Variants in CFAP65 observed in about 807,000 individuals in gnomAD.
CFAP65 encodes the protein cilia- and flagella-associated protein 65.
CFAP65 carries 155 observed loss-of-function variants against 208.0 expected under a neutral mutation model. The observed-to-expected ratio is 0.75, with a 90% confidence interval of 0.65 to 0.85. The LOEUF is 0.85. Ranked by LOEUF, CFAP65 falls within the 40% of genes least tolerant of loss-of-function variation. CFAP65 has a pLI of 0.00. For missense variants in CFAP65, 2,294 were observed against 2,451.3 expected (o/e 0.94, Z 1.36); for synonymous variants, 970 against 986.3 (o/e 0.98, Z 0.31).
At chr2:219,023,464 C>T in intron 15 of CFAP65, 33 bp from the exon 16 acceptor site, 1 of 1,453,108 alleles carries the variant, frequency 6.9e-7, no homozygotes, top group South Asian at 1.2e-5. Flanking sequence ...AGTGCCCTGA[C>T]CTCACTCTGC....
At chr2:219,026,432 A>G (rs534235995) in intron 13 of CFAP65, 2 of 335,822 alleles carry the variant, frequency 6.0e-6, no homozygotes, top group South Asian at 1.0e-4. Flanking sequence ...TTCATTCTGT[A>G]AGAATGAGCC....
At chr2:219,040,954 T>C (rs1948623130) in intron 1 of CFAP65, among the ~76,000 whole-genome samples, 1 of 124,646 alleles carries the variant, frequency 8.0e-6, no homozygotes, top group Non-Finnish European at 1.8e-5. Context: ...AAACAGAGGA[T>C]TTGAAAAAGC....
chr2:219,009,387 G>C lies in CFAP65; in HGVS notation c.4526C>G (p.Ser1509Cys). The change falls in exon 28 of 35, where the codon TCT (serine) becomes TGT (cysteine). Residue 1509 changes from serine to cysteine, a missense_variant. This residue lies in a region of CFAP65 where 1,427 missense variants were observed against 1,438.7 expected (regional missense o/e 0.99). Coordinates refer to ENST00000341552, the MANE Select transcript of CFAP65 (RefSeq NM_194302.4). ...TVPFVVTLRA[S>C]VHASFYSADL... ...TGCACTGTAGAAGCTGGCATGCACAGAGGCCCTCAAGGTCACCACAAATGG... is the reference window on the plus strand; with the variant it reads ...TGCACTGTAGAAGCTGGCATGCACACAGGCCCTCAAGGTCACCACAAATGG... The C allele has an allele frequency of 6.2e-7, 1 of 1,612,714 alleles. No homozygotes were observed. The highest frequency in any genetic ancestry group is 8.5e-7 in the Non-Finnish European group (1 of 1,179,942).
At chr2:219,029,929 G>A (rs1183922118) in intron 10 of CFAP65, 57 bp downstream of exon 10, 2 of 1,533,084 alleles carry the variant, frequency 1.3e-6, no homozygotes, top group Non-Finnish European at 9.0e-7. Context: ...GAGCTCTTCA[G>A]AATCCTCAGC....
Position 219,009,383 on chromosome 2 carries a change from C to A in CFAP65, c.4530G>T (p.Val1510=). 1 of 1,612,740 alleles carries A rather than the reference C, an allele frequency of 6.2e-7. No individual in the cohort carries two copies. ...GGTCTGCACTGTAGAAGCTGGCATG[C>A]ACAGAGGCCCTCAAGGTCACCACAA... is the stretch of plus-strand genomic sequence containing the variant. ...VPFVVTLRAS[V]HASFYSADLV... The change falls in exon 28 of 35, where the codon GTG becomes GTT. Residue 1510 remains valine (V), a synonymous_variant. Transcript: ENST00000341552.
intron 29 of CFAP65, among the ~76,000 whole-genome samples, chr2:219,008,087 G>A (rs1195453934): frequency 6.6e-6 from 1 of 151,810 alleles, no homozygotes; most frequent in African/African-American, 2.4e-5. Context: ...CCAAAGTGCT[G>A]GGATTACAGG....
Position 219,004,278 on chromosome 2 carries a change from G to A in CFAP65, c.5229C>T (p.Gly1743=). ...VPSSSWEDGK[G]KQPKEDRPEH... ...CTGGTCTGTCTTCCTTCGGCTGCTT[G>A]CCCTTCCCATCCTCCCAGCTGCTGG... Residue 1743 remains glycine, a synonymous_variant, in exon 33 of 35, where the codon GGC becomes GGT. Coordinates refer to ENST00000341552, the MANE Select transcript of CFAP65 (RefSeq NM_194302.4). This position sits in a 1 kb window ranked among gnomAD's most constrained non-coding sequence, Gnocchi z 4.7. 6.2e-7 allele frequency: 1 copy of A among 1,613,918 alleles called. No individual in the cohort carries two copies. The highest frequency in any genetic ancestry group is 2.2e-5 in the East Asian group (1 of 44,872).
chr2:219,005,882 C>T, intron 31 of CFAP65, 139 bp downstream of exon 31: 1 of 913,596 alleles, frequency 1.1e-6, no homozygotes, highest in East Asian at 2.6e-5. Context: ...ATCCTGGGCC[C>T]AGAGGCGCTC....
At chr2:219,022,046 G>A (rs556262284) in intron 17 of CFAP65, 116 bp from the exon 18 acceptor site, 5 of 1,530,176 alleles carry the variant, frequency 3.3e-6, no homozygotes, top group South Asian at 2.5e-5. Context: ...GGTATCCGGG[G>A]CAGAGGGCTC....
chr2:219,029,475 G>A lies in CFAP65; in HGVS notation c.1578C>T (p.Thr526=). 2.5e-6 allele frequency: 4 copies of A among 1,614,128 alleles called. No homozygotes were observed. The highest frequency in any genetic ancestry group is 2.2e-5 in the East Asian group (1 of 44,874). The change falls in exon 11 of 35, where the codon ACC becomes ACT. Residue 526 remains threonine (T), a synonymous_variant. Coordinates refer to ENST00000341552, the MANE Select transcript of CFAP65 (RefSeq NM_194302.4). ...FGTLVGKARM[T]LHCAFQPTHP... ...GAGTGGGCTGGAAGGCACAGTGCAGGGTCATACGGGCCTTGCCCACCAGCG... is the reference window on the plus strand; with the variant it reads ...GAGTGGGCTGGAAGGCACAGTGCAGAGTCATACGGGCCTTGCCCACCAGCG...
rs748112378 is a variant in CFAP65, at chr2:219,019,036, C to T, written c.3602+15G>A. 1.9e-6 allele frequency: 3 copies of T among 1,614,138 alleles called. No homozygotes were observed. Among genetic ancestry groups the T allele is most frequent in the South Asian group, 2.2e-5 (2 of 91,076 alleles). ...TTGTCTCCCAGGCCCCCCAGTGGCC[C>T]CCTTCAAGCCATACCAGTCCAGGGA... On this transcript the variant is annotated intron_variant, in intron 21 of 34. Coordinates refer to ENST00000341552, the MANE Select transcript of CFAP65 (RefSeq NM_194302.4).
chr2:219,020,048 T>G (rs991294056), intron 19 of CFAP65, among the ~76,000 whole-genome samples: 7 of 97,016 alleles, frequency 7.2e-5, no homozygotes, highest in African/African-American at 1.9e-4. Context: ...TACAATTCAG[T>G]TTTTTTTTTT....
chr2:219,007,199 G>C (rs1946079428), intron 29 of CFAP65, among the ~76,000 whole-genome samples: 1 of 149,568 alleles, frequency 6.7e-6, no homozygotes, highest in Non-Finnish European at 1.5e-5. Context: ...TTTTTGACAG[G>C]GTCTCACTCT....
At chr2:219,009,648 G>C (rs1946301281) in intron 27 of CFAP65, among the ~76,000 whole-genome samples, 188 bp from the exon 28 acceptor site, 1 of 121,500 alleles carries the variant, frequency 8.2e-6, no homozygotes, top group Non-Finnish European at 1.7e-5. Flanking sequence ...GGATGGGATG[G>C]GATGGGATAG....
chr2:219,027,934 C>T lies in CFAP65; in HGVS notation c.1927G>A (p.Asp643Asn), dbSNP rs781313239. The T allele has an allele frequency of 7.2e-6, 11 of 1,520,764 alleles. No homozygotes were observed. Among genetic ancestry groups the T allele is most frequent in the Non-Finnish European group, 8.8e-6 (10 of 1,135,016 alleles). 94.2% of individuals were successfully genotyped at this position (1,520,764 alleles called of 1,614,324 possible). A position where few individuals can be genotyped will look rare whatever the true frequency, so the allele number is the denominator to read the frequency against. ...MTEFFFDGTS[D>N]ITIFPPPISV... ...ATGGGCGGGGGGAAGATGGTTATGT[C>T]GCTGGTGCCGTCGAAGAAGAACTCG... is the stretch of plus-strand genomic sequence containing the variant. Residue 643 changes from aspartate to asparagine, a missense_variant, in exon 13 of 35, where the codon GAC becomes AAC. This residue lies in a region of CFAP65 where 867 missense variants were observed against 1,012.6 expected (regional missense o/e 0.86). Coordinates refer to ENST00000341552, the MANE Select transcript of CFAP65 (RefSeq NM_194302.4).
chr2:219,013,190 G>T (rs1308351102), intron 24 of CFAP65, 69 bp downstream of exon 24: 2 of 1,084,776 alleles, frequency 1.8e-6, no homozygotes, highest in African/African-American at 3.1e-5. Context: ...CCCTCTCAAG[G>T]GCTGACACTC....
Position 219,009,174 on chromosome 2 carries a change from G to A in CFAP65, c.4567-20C>T, listed in dbSNP as rs1946251061. ...GTACAGCTATGGCCCAGGACAGAGA[G>A]AGAGAAGGCCAAGGTCTGGAGCTTG... On this transcript the variant is annotated intron_variant, in intron 28 of 34. Transcript: ENST00000341552. 6.2e-7 allele frequency: 1 copy of A among 1,605,582 alleles called. No homozygotes were observed. The highest frequency in any genetic ancestry group is 1.1e-5 in the South Asian group (1 of 90,856).
At position 219,029,403 on chromosome 2, in the gene CFAP65, C is replaced by T; in HGVS notation, c.1650G>A (p.Gln550=). ...GCCTCATGCCCTCCCCACGACTCACCTGGTGGTGGATGAGACAGGCCACAC... is the reference window on the plus strand; with the variant it reads ...GCCTCATGCCCTCCCCACGACTCACTTGGTGGTGGATGAGACAGGCCACAC... ...FRRVACLIHH[Q]DPLFLDLMGT... is the part of the protein sequence containing the mutation. The change falls in exon 11 of 35, where the codon CAG becomes CAA. Residue 550 remains glutamine, a splice_region_variant and synonymous_variant. Coordinates refer to ENST00000341552, the MANE Select transcript of CFAP65 (RefSeq NM_194302.4). The T allele has an allele frequency of 6.2e-7, 1 of 1,611,818 alleles. No homozygotes were observed. The highest frequency in any genetic ancestry group is 8.5e-7 in the Non-Finnish European group (1 of 1,178,374).
chr2:219,027,973 T>C lies in CFAP65; in HGVS notation c.1888A>G (p.Ile630Val). Residue 630 changes from isoleucine (I) to valine (V), a missense_variant, in exon 13 of 35, where the codon ATC becomes GTC. This residue lies in a region of CFAP65 where 867 missense variants were observed against 1,012.6 expected (regional missense o/e 0.86). Coordinates refer to ENST00000341552, the MANE Select transcript of CFAP65 (RefSeq NM_194302.4). ...AAGAAGAACTCGGTCATGGGGGGGA[T>C]ATAAGGGTACTGCGGGGCCGGCATG... The part of the protein sequence containing the change: ...EDMPAPQYPY[I>V]PPMTEFFFDG... 6.6e-7 allele frequency: 1 copy of C among 1,518,478 alleles called. No homozygotes were observed. Among genetic ancestry groups the C allele is most frequent in the Non-Finnish European group, 8.8e-7 (1 of 1,134,380 alleles). 94.1% of individuals were successfully genotyped at this position (1,518,478 alleles called of 1,614,324 possible).
Sources: gnomAD v4.1 joint callset for allele counts (sites outside exome capture counted in the v4.1 genomes callset) on GRCh38, gnomAD v4.1.1 for gene constraint, gnomAD v4.1.1 regional missense constraint, Gnocchi (gnomAD v3.1) non-coding constraint, MANE v1.5 for transcripts, NCBI Gene and HGNC (gene_info 2026-07-23, HGNC 2026-07-21) for gene names.